Variants in POLR2B observed in about 807,000 individuals in gnomAD.
The protein encoded by POLR2B is RNA polymerase II subunit B.
In POLR2B, 57 loss-of-function variants were observed where a neutral mutation model predicts 144.6. That is an observed-to-expected ratio of 0.39 (90% CI 0.32 to 0.49). The LOEUF is 0.49. POLR2B is among the 20% of genes least tolerant of loss of function. The pLI is 0.83. For missense variants in POLR2B, 595 were observed against 1,467.4 expected, an observed-to-expected ratio of 0.41 and a Z score of 9.71; for synonymous variants, 442 against 469.8, an observed-to-expected ratio of 0.94 and a Z score of 0.77.
At chr4:57,020,305 TACA>T (rs1427081788) in intron 16 of POLR2B, among the ~76,000 whole-genome samples, 6 of 152,220 alleles carry the variant, frequency 3.9e-5, no homozygotes, top group Non-Finnish European at 8.8e-5. Flanking sequence ...GTGCTGGGAT[TACA>T]GGCGTGAGCC....
intron 23 of POLR2B, among the ~76,000 whole-genome samples, chr4:57,028,737 C>A (rs1324554935): frequency 6.6e-6 from 1 of 152,112 alleles, no homozygotes; most frequent in East Asian, 1.9e-4. Flanking sequence ...GACTCTCAGG[C>A]GGTCCATGAA....
intron 14 of POLR2B, among the ~76,000 whole-genome samples, chr4:57,015,893 G>T (rs1723351205): frequency 6.6e-6 from 1 of 152,000 alleles, no homozygotes; most frequent in Admixed American, 6.6e-5. Flanking sequence ...GTAGTAGCTG[G>T]GATTACAGGT....
rs1723608731 is a variant in POLR2B, at chr4:57,023,226, A to G, written c.2516-104A>G. On this transcript the variant is annotated intron_variant, in intron 18 of 24. Coordinates refer to ENST00000314595, the MANE Select transcript of POLR2B (RefSeq NM_000938.3). This position sits in a 1 kb window ranked among gnomAD's most constrained non-coding sequence, Gnocchi z 4.3. ...TTGGAATAAGGGTGTGATTCATGGT[A>G]TAGAGACTCCTGTGGCCTTCTCTCT... 1.9e-6 allele frequency: 2 copies of G among 1,035,916 alleles called. No homozygotes were observed. The highest frequency in any genetic ancestry group is 1.5e-6 in the Non-Finnish European group (1 of 689,134). The allele number at this position is 1,035,916 out of a possible 1,614,324, so 64.2% of individuals were successfully genotyped here.
intron 9 of POLR2B, 114 bp downstream of exon 9, chr4:57,005,833 A>C: frequency 2.2e-6 from 2 of 895,180 alleles, no homozygotes; most frequent in East Asian, 5.3e-5. Context: ...TACTTATGAA[A>C]TTAGCTACAT....
intron 16 of POLR2B, among the ~76,000 whole-genome samples, chr4:57,019,205 CATTTAGATA>C (rs1723462334): frequency 1.3e-5 from 2 of 152,100 alleles, no homozygotes; most frequent in African/African-American, 4.8e-5. Context: ...TTTTCTCCAA[CATTTAGATA>C]ATACAGTTTC....
intron 6 of POLR2B, among the ~76,000 whole-genome samples, chr4:56,998,593 A>G (rs1242794824): frequency 1.3e-5 from 2 of 151,852 alleles, no homozygotes; most frequent in East Asian, 1.9e-4. Context: ...GCTGGGCTCA[A>G]GCAATCCTCC....
Position 56,999,788 on chromosome 4 carries a change from T to G in POLR2B, c.900+7T>G. The G allele has an allele frequency of 6.3e-7, 1 of 1,582,812 alleles. No individual in the cohort carries two copies. Among genetic ancestry groups the G allele is most frequent in the Non-Finnish European group, 8.7e-7 (1 of 1,154,420 alleles). On this transcript the variant is annotated splice_region_variant and intron_variant, in intron 7 of 24. Coordinates refer to ENST00000314595, the MANE Select transcript of POLR2B (RefSeq NM_000938.3). ...TCCAGAGATGATGGAAATGGTAATGTGAAAGCAAAATGTATTCACAGAGCT... is the reference window on the plus strand; with the variant it reads ...TCCAGAGATGATGGAAATGGTAATGGGAAAGCAAAATGTATTCACAGAGCT...
At chr4:57,028,846 TCA>T in intron 23 of POLR2B, among the ~76,000 whole-genome samples, 1 of 152,368 alleles carries the variant, frequency 6.6e-6, no homozygotes, top group South Asian at 2.1e-4. Flanking sequence ...TCCCTGATTA[TCA>T]CATAAGTTTT....
At chr4:56,983,643 TAC>T (rs1722228521) in intron 1 of POLR2B, among the ~76,000 whole-genome samples, 1 of 152,094 alleles carries the variant, frequency 6.6e-6, no homozygotes, top group Non-Finnish European at 1.5e-5. Context: ...CTGCTGGGAT[TAC>T]AAGCGTGAGC....
At chr4:56,992,611 A>G (rs1184481054) in intron 3 of POLR2B, among the ~76,000 whole-genome samples, 11 of 142,360 alleles carry the variant, frequency 7.7e-5, no homozygotes, top group African/African-American at 1.0e-4. Context: ...CCAGGCTGGA[A>G]TGCAGTGGCG....
In POLR2B at chr4:57,023,623, C is replaced by T; in HGVS notation, c.2767-39C>T. 6.2e-7 allele frequency: 1 copy of T among 1,610,914 alleles called. No homozygotes were observed. The highest frequency in any genetic ancestry group is 8.5e-7 in the Non-Finnish European group (1 of 1,177,734). ...CATGTAGCTAGTTTTAGAAAGTAAA[C>T]CAAATCCACTTAACTAACTTATTTT... On this transcript the variant is annotated intron_variant, in intron 19 of 24. Coordinates refer to ENST00000314595, the MANE Select transcript of POLR2B (RefSeq NM_000938.3). The surrounding 1 kb of genome is among the most constrained non-coding windows in gnomAD (Gnocchi z 4.3).
Position 57,005,638 on chromosome 4 carries a change from G to A in POLR2B, c.1136G>A (p.Arg379Lys), listed in dbSNP as rs1405540717. ...VHRLLLAALG[R>K]RELDDRDHYG... Reference sequence around the variant, plus strand: ...AGGTTACTTCTGGCAGCTTTGGGTAGAAGAGAACTAGATGACAGAGATCAC... The same window carrying A: ...AGGTTACTTCTGGCAGCTTTGGGTAAAAGAGAACTAGATGACAGAGATCAC... Residue 379 changes from arginine (R) to lysine (K), a missense_variant, in exon 9 of 25, where the codon AGA becomes AAA. Physicochemically the swap from Arg to Lys is conservative, Grantham distance 26. Around this residue, in one of 9 missense-constraint regions of POLR2B, gnomAD observed 251 missense variants for 567.3 expected, o/e 0.44. Coordinates refer to ENST00000314595, the MANE Select transcript of POLR2B (RefSeq NM_000938.3). 1 of 1,609,264 alleles carries A rather than the reference G, an allele frequency of 6.2e-7. No individual in the cohort carries two copies. The highest frequency in any genetic ancestry group is 1.3e-5 in the African/African-American group (1 of 74,384).
chr4:57,007,900 G>C (rs1191341778), intron 10 of POLR2B, among the ~76,000 whole-genome samples: 2 of 152,190 alleles, frequency 1.3e-5, no homozygotes, highest in Non-Finnish European at 1.5e-5. Context: ...AGTATCACCT[G>C]ATTGATTTGG....
At chr4:56,984,037 G>GT (rs1357003257) in intron 1 of POLR2B, among the ~76,000 whole-genome samples, 2 of 150,518 alleles carry the variant, frequency 1.3e-5, no homozygotes, top group East Asian at 4.0e-4. Context: ...GCTAATTTTT[G>GT]TATTTTTAGT....
At chr4:56,996,274 A>ATTT (rs1447493379) in intron 6 of POLR2B, among the ~76,000 whole-genome samples, 3 of 86,984 alleles carry the variant, frequency 3.4e-5, no homozygotes, top group African/African-American at 1.3e-4. Flanking sequence ...ATATATATAT[A>ATTT]TATATTTTTT....
intron 6 of POLR2B, 59 bp from the exon 7 acceptor site, chr4:56,999,558 T>C: frequency 1.7e-6 from 2 of 1,143,554 alleles, no homozygotes; most frequent in South Asian, 2.9e-5. Flanking sequence ...TCTCTTGGTG[T>C]TTTTATATTG....
At chr4:57,007,035 A>G in intron 10 of POLR2B, 33 bp downstream of exon 10, 1 of 1,423,084 alleles carries the variant, frequency 7.0e-7, no homozygotes, top group African/African-American at 1.4e-5. Flanking sequence ...CAGGCTCAAT[A>G]GGAAACATGT....
intron 1 of POLR2B, among the ~76,000 whole-genome samples, chr4:56,980,073 T>G (rs1317514729): frequency 2.7e-5 from 4 of 150,834 alleles, no homozygotes; most frequent in Non-Finnish European, 5.9e-5. Context: ...ATGGAAAAAA[T>G]TGAAGCAAAA....
intron 1 of POLR2B, 185 bp from the exon 2 acceptor site, chr4:56,986,169 A>T: frequency 1.6e-6 from 1 of 621,142 alleles, no homozygotes; most frequent in Non-Finnish European, 2.9e-6. Flanking sequence ...TTATATTGGA[A>T]GAATACCTGT....
Sources: allele counts gnomAD v4.1 joint callset (sites outside exome capture counted in the v4.1 genomes callset), GRCh38; gene constraint gnomAD v4.1.1; regional missense constraint gnomAD v4.1.1; non-coding constraint Gnocchi (gnomAD v3.1); transcripts MANE v1.5; gene names NCBI Gene and HGNC (gene_info 2026-07-23, HGNC 2026-07-21).